Variants in DRC3 observed in about 807,000 individuals in gnomAD.
The protein encoded by DRC3 is leucine rich repeat containing 48.
A neutral mutation model predicts 57.6 loss-of-function variants in DRC3; 45 were observed. The ratio of observed to expected loss-of-function variants is 0.78; its 90% CI spans 0.62 to 1.00. The LOEUF (loss-of-function observed/expected upper bound fraction) is 1.00, where lower values mean the gene tolerates loss of function less well. Among genes scored for constraint, DRC3 ranks in the 50% least tolerant of loss-of-function variants. The probability of loss-of-function intolerance (pLI) is 0.00; values close to 1 mark genes in which losing one functional copy is unlikely to be tolerated. For missense variants in DRC3, 655 were observed against 675.2 expected (o/e 0.97, Z 0.33); for synonymous variants, 257 against 272.3 (o/e 0.94, Z 0.55).
At chr17:17,980,167 C>A (rs1440509045) in intron 3 of DRC3, among the ~76,000 whole-genome samples, 1 of 152,230 alleles carries the variant, frequency 6.6e-6, no homozygotes, top group Admixed American at 6.5e-5. Flanking sequence ...TCCCCACTTT[C>A]CCACTGGGAC....
In DRC3 at chr17:17,992,758, T is replaced by C. The variant is rs1431745068; in HGVS notation, c.445-7T>C. On this transcript the variant is annotated splice_region_variant and splice_polypyrimidine_tract_variant and intron_variant, in intron 5 of 13. Coordinates refer to ENST00000399187, the MANE Select transcript of DRC3 (RefSeq NM_031294.4). ...GAAAATGGGCCTTTCTCCCTTTTTC[T>C]CCCCAGATCATCTACCTCCGGCGGT... 1 of 1,612,136 alleles carries C rather than the reference T, an allele frequency of 6.2e-7. No individual in the cohort carries two copies. Among genetic ancestry groups the C allele is most frequent in the African/African-American group, 1.3e-5 (1 of 74,852 alleles).
intron 12 of DRC3, among the ~76,000 whole-genome samples, chr17:18,009,575 A>C (rs2044098544): frequency 6.6e-6 from 1 of 152,212 alleles, no homozygotes; most frequent in Non-Finnish European, 1.5e-5. Flanking sequence ...AAACTGAGGC[A>C]CAGAGATGAA....
chr17:18,001,086 T>C (rs1258057184), intron 9 of DRC3, among the ~76,000 whole-genome samples: 1 of 151,394 alleles, frequency 6.6e-6, no homozygotes, highest in Non-Finnish European at 1.5e-5. Flanking sequence ...TTTTTCTTTT[T>C]CTTTCTTTTT....
chr17:18,004,537 C>A, intron 10 of DRC3, 43 bp downstream of exon 10: 1 of 1,588,786 alleles, frequency 6.3e-7, no homozygotes, highest in Non-Finnish European at 8.6e-7. Context: ...TCTGGCGATG[C>A]AGCTGCACAT....
chr17:17,981,739 C>T (rs1393604162), intron 3 of DRC3, among the ~76,000 whole-genome samples: 1 of 152,220 alleles, frequency 6.6e-6, no homozygotes, highest in Middle Eastern at 3.4e-3. Flanking sequence ...GCTTTGTCAC[C>T]CAGGCTGCAG....
intron 6 of DRC3, 71 bp downstream of exon 6, chr17:17,992,982 G>A: frequency 6.4e-7 from 1 of 1,568,388 alleles, no homozygotes. Flanking sequence ...TCTTGGAAAA[G>A]GGGCATTGAA....
At chr17:17,978,737 G>C (rs543493367) in intron 3 of DRC3, among the ~76,000 whole-genome samples, 1 of 152,180 alleles carries the variant, frequency 6.6e-6, no homozygotes, top group Non-Finnish European at 1.5e-5. Flanking sequence ...AGCCCCGGGA[G>C]GGGTAAAGGG....
chr17:17,993,223 C>T (rs1366625398), intron 6 of DRC3: 1 of 237,336 alleles, frequency 4.2e-6, no homozygotes, highest in South Asian at 7.9e-5. Context: ...CAGTGGCTCA[C>T]GCCTGTAATC....
chr17:18,013,807 G>T (rs56054716), intron 12 of DRC3, among the ~76,000 whole-genome samples: 2,643 of 152,268 alleles, frequency 0.017, 86 homozygotes, highest in African/African-American at 0.06. Flanking sequence ...TCAACACAAA[G>T]AAATGATAAA....
chr17:18,007,204 C>A, intron 12 of DRC3, 57 bp downstream of exon 12: 2 of 11,728 alleles, frequency 1.7e-4, no homozygotes, highest in Non-Finnish European at 2.8e-4. Flanking sequence ...AGCTCTGTGG[C>A]TGGACTGAGG....
intron 5 of DRC3, among the ~76,000 whole-genome samples, chr17:17,991,021 C>T (rs929943786): frequency 9.9e-5 from 15 of 152,006 alleles, no homozygotes; most frequent in African/African-American, 3.6e-4. Context: ...AAAAAGAAAA[C>T]ATTTTTCCCC....
chr17:17,992,741 G>T (rs2043289024), intron 5 of DRC3, 24 bp from the exon 6 acceptor site: 4 of 1,609,342 alleles, frequency 2.5e-6, no homozygotes, highest in African/African-American at 2.7e-5. Flanking sequence ...AAGAAAATGG[G>T]CCTTTCTCCC....
At chr17:17,975,417 G>A (rs542404849) in intron 2 of DRC3, among the ~76,000 whole-genome samples, 70 of 151,876 alleles carry the variant, frequency 4.6e-4, no homozygotes, top group African/African-American at 1.6e-3. Flanking sequence ...TCACCATGTT[G>A]GCCAGGATGG....
chr17:18,015,503 T>TAGGA (rs2044326204), intron 12 of DRC3: 1 of 152,924 alleles, frequency 6.5e-6, no homozygotes, highest in Admixed American at 6.5e-5. Flanking sequence ...AACAACTTTT[T>TAGGA]ACAAGACAGC....
intron 6 of DRC3, chr17:17,993,710 G>A (rs2043329781): frequency 6.5e-6 from 1 of 153,570 alleles, no homozygotes; most frequent in African/African-American, 2.4e-5. Flanking sequence ...TTGCCAATTG[G>A]CAGTAGTTGA....
intron 3 of DRC3, among the ~76,000 whole-genome samples, chr17:17,982,167 ATTTTTAGTAGAGACAGGG>A (rs1283817621): frequency 8.5e-5 from 12 of 140,702 alleles, no homozygotes; most frequent in Non-Finnish European, 1.8e-4. Context: ...TAATTTTTGT[ATTTTTAGTAGAGACAGGG>A]TTTCACCATG....
At chr17:18,002,608 G>T (rs1486787241) in intron 9 of DRC3, among the ~76,000 whole-genome samples, 12 of 152,158 alleles carry the variant, frequency 7.9e-5, no homozygotes. Flanking sequence ...CCTTGCCAGG[G>T]TCTTTCCTGG....
At chr17:17,997,818 C>A (rs1211410725) in intron 9 of DRC3, among the ~76,000 whole-genome samples, 184 bp downstream of exon 9, 1 of 152,116 alleles carries the variant, frequency 6.6e-6, no homozygotes, top group Non-Finnish European at 1.5e-5. Context: ...GCCCGCCTTA[C>A]ACCAGCACCA....
chr17:17,976,789 G>C (rs536462616), intron 2 of DRC3, among the ~76,000 whole-genome samples: 2 of 152,312 alleles, frequency 1.3e-5, no homozygotes, highest in East Asian at 3.9e-4. Context: ...GGACATTAGG[G>C]ACTGGAAAGC....
Sources: gnomAD v4.1 joint callset for allele counts (sites outside exome capture counted in the v4.1 genomes callset) on GRCh38, gnomAD v4.1.1 for gene constraint, MANE v1.5 for transcripts, NCBI Gene and HGNC (gene_info 2026-07-23, HGNC 2026-07-21) for gene names.